Variants in ROBO2 observed in about 807,000 individuals in gnomAD.
The protein encoded by ROBO2 is roundabout homolog 2.
A neutral mutation model predicts 160.8 loss-of-function variants in ROBO2; 53 were observed. The observed-to-expected ratio is 0.33, with a 90% CI of 0.26 to 0.41. The LOEUF (loss-of-function observed/expected upper bound fraction) is 0.41, where lower values mean the gene tolerates loss of function less well. Ranked by LOEUF, ROBO2 falls within the 10% of genes least tolerant of loss-of-function variation. ROBO2 has a pLI of 1.00. For synonymous variants in ROBO2, 664 were observed against 611.7 expected, an observed-to-expected ratio of 1.09 and a Z score of -1.26; for missense variants, 1,577 against 1,722.4, an observed-to-expected ratio of 0.92 and a Z score of 1.49.
intron 2 of ROBO2, among the ~76,000 whole-genome samples, chr3:77,024,671 T>C (rs1235592597): frequency 1.3e-5 from 2 of 152,298 alleles, no homozygotes; most frequent in African/African-American, 4.8e-5. Context: ...ACTCTGTACA[T>C]ACCAGTTGTT....
intron 2 of ROBO2, among the ~76,000 whole-genome samples, chr3:77,364,581 G>A (rs563095317): frequency 6.6e-6 from 1 of 152,108 alleles, no homozygotes; most frequent in African/African-American, 2.4e-5. Context: ...ACCATTTTGG[G>A]GTCAGAACAC....
At chr3:76,375,011 C>T (rs1248342999) in intron 2 of ROBO2, among the ~76,000 whole-genome samples, 8 of 150,234 alleles carry the variant, frequency 5.3e-5, no homozygotes, top group East Asian at 1.9e-4. Context: ...CCAGAGTTCA[C>T]GGGCATCATT....
chr3:77,234,962 G>A (rs1684365123), intron 2 of ROBO2, among the ~76,000 whole-genome samples: 1 of 152,102 alleles, frequency 6.6e-6, no homozygotes, highest in African/African-American at 2.4e-5. Context: ...TTATGTTTAA[G>A]CATTGTGAAG....
intron 2 of ROBO2, among the ~76,000 whole-genome samples, chr3:76,133,131 A>G (rs965408663): frequency 1.3e-5 from 2 of 152,184 alleles, no homozygotes; most frequent in Non-Finnish European, 1.5e-5. Context: ...ATATAAATTA[A>G]CAAACAGGCA....
chr3:77,563,478 A>T, intron 11 of ROBO2, 149 bp downstream of exon 12: 1 of 825,786 alleles, frequency 1.2e-6, no homozygotes, highest in Non-Finnish European at 1.9e-6. Context: ...TTATTCAAGA[A>T]CAGAGTTAAT....
intron 2 of ROBO2, among the ~76,000 whole-genome samples, chr3:76,539,503 G>A (rs1020464179): frequency 1.3e-5 from 2 of 152,026 alleles, no homozygotes; most frequent in East Asian, 3.9e-4. Context: ...AAAAATGTTC[G>A]AGTTGTATTA....
intron 2 of ROBO2, among the ~76,000 whole-genome samples, chr3:76,450,252 G>T (rs1328874044): frequency 6.6e-6 from 1 of 152,148 alleles, no homozygotes; most frequent in African/African-American, 2.4e-5. Context: ...TAAGGTCTAA[G>T]TGAGCATTAA....
At chr3:76,750,024 T>G (rs149382186) in intron 2 of ROBO2, among the ~76,000 whole-genome samples, 1 of 152,204 alleles carries the variant, frequency 6.6e-6, no homozygotes, top group African/African-American at 2.4e-5. Flanking sequence ...ATATCCCTGA[T>G]GAACATTGAT....
chr3:75,965,631 T>G (rs1393805209), intron 2 of ROBO2, among the ~76,000 whole-genome samples: 3 of 151,834 alleles, frequency 2.0e-5, no homozygotes, highest in Admixed American at 6.6e-5. Context: ...TTTGTATATA[T>G]TTGGTATAAT....
At chr3:76,765,019 C>T (rs1045465118) in intron 2 of ROBO2, among the ~76,000 whole-genome samples, 2 of 151,518 alleles carry the variant, frequency 1.3e-5, no homozygotes, top group African/African-American at 4.8e-5. Flanking sequence ...AAATAGTGAA[C>T]ATTGTACCCA....
intron 2 of ROBO2, among the ~76,000 whole-genome samples, chr3:76,045,932 T>C (rs1347786732): frequency 6.6e-6 from 1 of 151,942 alleles, no homozygotes; most frequent in Non-Finnish European, 1.5e-5. Context: ...CAGTATGCTT[T>C]ATGGAATGCA....
At chr3:77,110,379 C>T (rs1466430667) in intron 2 of ROBO2, among the ~76,000 whole-genome samples, 2 of 151,984 alleles carry the variant, frequency 1.3e-5, no homozygotes, top group Non-Finnish European at 1.5e-5. Flanking sequence ...TATTTGTGGA[C>T]ATTTGCTGAC....
chr3:76,594,560 C>A (rs1226423723), intron 2 of ROBO2, among the ~76,000 whole-genome samples: 1 of 151,920 alleles, frequency 6.6e-6, no homozygotes, highest in Non-Finnish European at 1.5e-5. Context: ...CCATCATTCC[C>A]CTGTTCACTT....
intron 4 of ROBO2, among the ~76,000 whole-genome samples, chr3:77,490,068 G>A (rs1043940041): frequency 6.0e-5 from 9 of 151,144 alleles, no homozygotes; most frequent in African/African-American, 1.9e-4. Flanking sequence ...GTCTTGTTCC[G>A]GACTTCAATG....
At chr3:75,928,366 C>T (rs576351486) in intron 1 of ROBO2, among the ~76,000 whole-genome samples, 11 of 152,336 alleles carry the variant, frequency 7.2e-5, no homozygotes, top group African/African-American at 2.6e-4. Context: ...ATACACCTAT[C>T]CATAGTGCAG....
intron 2 of ROBO2, among the ~76,000 whole-genome samples, chr3:76,218,519 A>T (rs1355656770): frequency 1.3e-5 from 2 of 152,202 alleles, no homozygotes; most frequent in Admixed American, 6.5e-5. Flanking sequence ...TACACCAATA[A>T]CAGACAAACA....
At chr3:76,870,640 T>C (rs2148673906) in intron 2 of ROBO2, among the ~76,000 whole-genome samples, 1 of 152,292 alleles carries the variant, frequency 6.6e-6, no homozygotes, top group East Asian at 1.9e-4. Flanking sequence ...AGTACGGCAT[T>C]TGGTAAATAT....
chr3:77,548,129 TCACATA>T (rs779478901), intron 7 of ROBO2, among the ~76,000 whole-genome samples: 7 of 148,242 alleles, frequency 4.7e-5, no homozygotes, highest in Non-Finnish European at 7.5e-5. Context: ...CACACACCAC[TCACATA>T]CACATACACA....
chr3:77,230,294 G>A (rs529180482), intron 2 of ROBO2, among the ~76,000 whole-genome samples: 181 of 152,152 alleles, frequency 1.2e-3, no homozygotes, highest in Non-Finnish European at 2.0e-3. Context: ...ATGTTGCCCA[G>A]ATTGATCTCT....
Sources: gnomAD v4.1 joint callset for allele counts (sites outside exome capture counted in the v4.1 genomes callset) on GRCh38, gnomAD v4.1.1 for gene constraint, MANE v1.5 for transcripts, NCBI Gene and HGNC (gene_info 2026-07-23, HGNC 2026-07-21) for gene names.